TMEM230: variants seen among roughly 807,000 people sequenced by gnomAD.
The protein encoded by TMEM230 is UPF0414 transmembrane protein C20orf30.
TMEM230 carries 10 observed loss-of-function variants against 15.8 expected under a neutral mutation model. That is an observed-to-expected ratio of 0.63 (90% CI 0.39 to 1.07). The LOEUF is 1.07. Ranked by LOEUF, TMEM230 falls within the 50% of genes least tolerant of loss-of-function variation. TMEM230 has a pLI of 0.01. For missense variants in TMEM230, 165 were observed against 193.3 expected, an observed-to-expected ratio of 0.85 and a Z score of 0.87; for synonymous variants, 67 against 76.9, an observed-to-expected ratio of 0.87 and a Z score of 0.68.
At chr20:5,083,352 T>C (rs940782047) in intron 3 of TMEM230, among the ~76,000 whole-genome samples, 9 of 150,344 alleles carry the variant, frequency 6.0e-5, no homozygotes, top group Non-Finnish European at 1.0e-4. Context: ...GAAAAACAGT[T>C]CTCTCTCTCT....
intron 3 of TMEM230, among the ~76,000 whole-genome samples, chr20:5,071,639 C>CAAAACA (rs1568479039): frequency 6.8e-6 from 1 of 146,226 alleles, no homozygotes; most frequent in African/African-American, 2.6e-5. Context: ...AAAAAAAAAA[C>CAAAACA]AAAAAGGGTA....
At chr20:5,086,538 C>CAAAAAAAAA (rs542162305) in intron 3 of TMEM230, among the ~76,000 whole-genome samples, 4 of 88,992 alleles carry the variant, frequency 4.5e-5, no homozygotes, top group Non-Finnish European at 4.4e-5. Context: ...GACTCTGTCT[C>CAAAAAAAAA]AAAAAAAAAA....
rs186647632 is a variant in TMEM230 at position 5,074,023 on chromosome 20, C to T, written c.223-4674G>A. On this transcript the variant is annotated intron_variant, in intron 3 of 3. Transcript: ENST00000612323. ...TGTCACATGGTGGGAACAAGCAAGG[C>T]GGGGGAGGGGCCACACTTTTGCACA... 4.7e-4 allele frequency among the ~76,000 whole-genome samples: 71 copies of T among 152,082 alleles called. 1 individual carries two copies. In the South Asian group the frequency reaches 0.011, roughly 24 times the overall value.
chr20:5,092,172 T>C (rs1408625906), intron 3 of TMEM230, among the ~76,000 whole-genome samples: 2 of 152,212 alleles, frequency 1.3e-5, no homozygotes, highest in South Asian at 2.1e-4. Context: ...TCTGATACGA[T>C]TGACAAGAGA....
intron 3 of TMEM230, among the ~76,000 whole-genome samples, chr20:5,089,717 A>T (rs1342016136): frequency 1.3e-5 from 2 of 151,880 alleles, no homozygotes; most frequent in Non-Finnish European, 2.9e-5. Flanking sequence ...GGAAAAACAA[A>T]AACAAAAAAC....
At chr20:5,088,169 C>T (rs571927678) in intron 3 of TMEM230, among the ~76,000 whole-genome samples, 22 of 150,934 alleles carry the variant, frequency 1.5e-4, no homozygotes, top group Admixed American at 1.1e-3. Flanking sequence ...ACTAGCCTGG[C>T]GTGGTGGCGC....
chr20:5,103,194 G>A (rs1262098244), intron 4 of TMEM230, among the ~76,000 whole-genome samples: 1 of 152,222 alleles, frequency 6.6e-6, no homozygotes, highest in Non-Finnish European at 1.5e-5. Context: ...GGGTGCAGTG[G>A]CTAAAGCCTG....
chr20:5,070,351 C>G (rs1047821334), intron 3 of TMEM230, among the ~76,000 whole-genome samples: 1 of 152,172 alleles, frequency 6.6e-6, no homozygotes, highest in Non-Finnish European at 1.5e-5. Flanking sequence ...CAACAATCAC[C>G]TAAGAGATCC....
chr20:5,110,143 G>T (rs575577133), intron 2 of TMEM230, among the ~76,000 whole-genome samples: 3 of 152,008 alleles, frequency 2.0e-5, no homozygotes, highest in African/African-American at 7.2e-5. Context: ...TACAACCACC[G>T]CCTCCCAGGT....
At chr20:5,074,909 C>T (rs1461442926) in intron 3 of TMEM230, among the ~76,000 whole-genome samples, 3 of 152,246 alleles carry the variant, frequency 2.0e-5, no homozygotes, top group Admixed American at 6.5e-5. Flanking sequence ...GCGATTCTTC[C>T]GCCTTGGCCT....
downstream of TMEM230, among the ~76,000 whole-genome samples, chr20:5,065,258 A>AG (rs1906698731): frequency 1.3e-5 from 2 of 152,116 alleles, no homozygotes; most frequent in Admixed American, 6.5e-5. Context: ...TCTCTCAAAA[A>AG]AAAAAAGATT....
rs536207512 is a variant in TMEM230 at position 5,106,074 on chromosome 20, GACAAACAC to G, written c.411+106_411+113del. 0.11 allele frequency: 132,029 copies of G among 1,158,486 alleles called. 5,444 individuals are homozygous for G. The highest frequency in any genetic ancestry group is 0.17 in the African/African-American group (10,392 of 59,710). The allele number at this position is 1,158,486 out of a possible 1,614,324, so 71.8% of individuals were successfully genotyped here. A position where few individuals can be genotyped will look rare whatever the true frequency, so the allele number is the denominator to read the frequency against. On this transcript the variant is annotated intron_variant, in intron 4 of 4. Coordinates refer to ENST00000342308, the MANE Select transcript of TMEM230 (RefSeq NM_001009923.2). ...TCAAAAAAAACAGACCACTGGGACG[GACAAACAC>G]ACACACACACACACACACACACACA...
chr20:5,070,291 T>C (rs1425517599), intron 3 of TMEM230, among the ~76,000 whole-genome samples: 2 of 152,110 alleles, frequency 1.3e-5, no homozygotes, highest in African/African-American at 4.8e-5. Context: ...CCATCTTGTA[T>C]TTGCATCCAG....
At chr20:5,090,240 T>C (rs930877280) in intron 3 of TMEM230, among the ~76,000 whole-genome samples, 2 of 152,038 alleles carry the variant, frequency 1.3e-5, no homozygotes, top group Non-Finnish European at 1.5e-5. Flanking sequence ...CTAAAGGACA[T>C]GAGTTTCCAG....
intron 3 of TMEM230, among the ~76,000 whole-genome samples, chr20:5,080,093 T>C (rs2089136253): frequency 6.6e-6 from 1 of 152,236 alleles, no homozygotes; most frequent in Non-Finnish European, 1.5e-5. Context: ...TTATAGTTAT[T>C]GTGAATGAGA....
intron 3 of TMEM230, among the ~76,000 whole-genome samples, chr20:5,094,045 G>T (rs1211823246): frequency 1.3e-5 from 2 of 150,578 alleles, no homozygotes; most frequent in African/African-American, 2.4e-5. Context: ...TGCAACCTCT[G>T]CCTCCCGGGT....
In TMEM230 at chr20:5,100,928, C is replaced by CCCCCTGGTG; in HGVS notation, c.412-6_414dup (p.Gly138_Ala139insHisGlnGly). ...ATCAGCACTGGAACGGCCCGGTCTGCCCCCTGGTGGCAGAAGGAGGCAAAC... is the reference window on the plus strand; with the variant it reads ...ATCAGCACTGGAACGGCCCGGTCTGCCCCCTGGTGCCCCTGGTGGCAGAAGGAGGCAAAC... On this transcript the variant is annotated inframe_insertion, in exon 5 of 5. Coordinates refer to ENST00000342308, the MANE Select transcript of TMEM230 (RefSeq NM_001009923.2). 2 of 1,613,864 alleles carry CCCCCTGGTG rather than the reference C, an allele frequency of 1.2e-6. No homozygotes were observed. The highest frequency in any genetic ancestry group is 1.7e-6 in the Non-Finnish European group (2 of 1,179,878).
At chr20:5,083,239 A>G (rs1351189059) in intron 3 of TMEM230, among the ~76,000 whole-genome samples, 1 of 147,414 alleles carries the variant, frequency 6.8e-6, no homozygotes, top group East Asian at 2.0e-4. Flanking sequence ...AATTCTTCAT[A>G]TACTTGATGA....
intron 4 of TMEM230, among the ~76,000 whole-genome samples, chr20:5,102,338 C>A (rs1428069341): frequency 6.6e-6 from 1 of 152,142 alleles, no homozygotes; most frequent in Admixed American, 6.6e-5. Context: ...AATAAAAAGT[C>A]TCTTAGCAGA....
Sources: allele counts gnomAD v4.1 joint callset (sites outside exome capture counted in the v4.1 genomes callset), GRCh38; gene constraint gnomAD v4.1.1; transcripts MANE v1.5; gene names NCBI Gene and HGNC (gene_info 2026-07-23, HGNC 2026-07-21).